TRIM24: variants seen among roughly 807,000 people sequenced by gnomAD.
TRIM24 encodes the protein transcription intermediary factor 1-alpha.
In TRIM24, 29 loss-of-function variants were observed where a neutral mutation model predicts 123.9. The observed-to-expected ratio is 0.23, with a 90% confidence interval of 0.17 to 0.32. TRIM24 has a LOEUF of 0.32. Ranked by LOEUF, TRIM24 falls within the 10% of genes least tolerant of loss-of-function variation. TRIM24 has a pLI of 1.00. For synonymous variants in TRIM24, 456 were observed against 461.1 expected (o/e 0.99, Z 0.14); for missense variants, 932 against 1,295.3 (o/e 0.72, Z 4.31).
intron 4 of TRIM24, 90 bp from the exon 5 acceptor site, chr7:138,525,151 A>C: frequency 1.7e-6 from 1 of 584,374 alleles, no homozygotes; most frequent in Non-Finnish European, 2.9e-6. Flanking sequence ...ATTCTTTATA[A>C]TCCTATTTTA....
chr7:138,560,443 A>G (rs1177553500), intron 9 of TRIM24, among the ~76,000 whole-genome samples: 1 of 152,178 alleles, frequency 6.6e-6, no homozygotes, highest in Non-Finnish European at 1.5e-5. Context: ...ACTAACATGT[A>G]CGGATAGCCT....
rs1303634635 is a variant in TRIM24, at chr7:138,570,874, C to G, written c.1749C>G (p.Ser583Arg). 2 of 1,614,002 alleles carry G rather than the reference C, an allele frequency of 1.2e-6. No homozygotes were observed. The highest frequency in any genetic ancestry group is 1.7e-6 in the Non-Finnish European group (2 of 1,180,018). ...SGQGTPSTTNSTSSTPSSPTI... is the reference protein window; with the variant it reads ...SGQGTPSTTNRTSSTPSSPTI... Reference sequence around the variant, plus strand: ...AGGGAACCCCATCAACTACCAACAGCACATCCTCTACTCCTTCCAGCCCCA... The same window carrying G: ...AGGGAACCCCATCAACTACCAACAGGACATCCTCTACTCCTTCCAGCCCCA... Residue 583 changes from serine to arginine, a missense_variant, in exon 11 of 19, where the codon AGC (serine) becomes AGG (arginine). Around this residue, in one of 7 missense-constraint regions of TRIM24, gnomAD observed 527 missense variants for 691.3 expected, o/e 0.76. Coordinates refer to ENST00000343526, the MANE Select transcript of TRIM24 (RefSeq NM_015905.3).
intron 6 of TRIM24, among the ~76,000 whole-genome samples, chr7:138,537,721 G>A (rs1252294136): frequency 3.3e-5 from 5 of 152,112 alleles, no homozygotes; most frequent in African/African-American, 1.2e-4. Context: ...GATGTTGTTA[G>A]TAGTCCATCA....
chr7:138,510,076 A>T (rs1239277235), intron 2 of TRIM24, among the ~76,000 whole-genome samples: 1 of 152,178 alleles, frequency 6.6e-6, no homozygotes, highest in Non-Finnish European at 1.5e-5. Context: ...TGTAGGAAGG[A>T]ACTGCTGCAC....
intron 1 of TRIM24, among the ~76,000 whole-genome samples, chr7:138,493,536 AGATGTCTG>A (rs1325755196): frequency 2.6e-5 from 4 of 152,114 alleles, no homozygotes; most frequent in Non-Finnish European, 5.9e-5. Flanking sequence ...TCATATTTTA[AGATGTCTG>A]GATTTTTTAA....
At chr7:138,464,819 A>T (rs1032978255) in intron 1 of TRIM24, among the ~76,000 whole-genome samples, 1 of 152,212 alleles carries the variant, frequency 6.6e-6, no homozygotes, top group Non-Finnish European at 1.5e-5. Flanking sequence ...AAAAAAATTT[A>T]GATTTTTAGG....
chr7:138,521,549 TAA>T (rs1796504222), intron 4 of TRIM24, among the ~76,000 whole-genome samples: 1 of 151,644 alleles, frequency 6.6e-6, no homozygotes, highest in Non-Finnish European at 1.5e-5. Context: ...GAAAAAGAAA[TAA>T]AGAACAGATG....
intron 7 of TRIM24, among the ~76,000 whole-genome samples, chr7:138,542,765 TGATTCTG>T (rs1002151464): frequency 1.3e-5 from 2 of 152,168 alleles, no homozygotes; most frequent in Admixed American, 1.3e-4. Flanking sequence ...TAAGGAAATG[TGATTCTG>T]GATAAACTTT....
At chr7:138,523,859 C>T (rs1457759565) in intron 4 of TRIM24, among the ~76,000 whole-genome samples, 1 of 151,592 alleles carries the variant, frequency 6.6e-6, no homozygotes, top group Non-Finnish European at 1.5e-5. Context: ...AACCTTTACA[C>T]CAAAACTGAC....
chr7:138,568,661 A>G (rs1797589786), intron 10 of TRIM24, among the ~76,000 whole-genome samples: 2 of 152,016 alleles, frequency 1.3e-5, no homozygotes, highest in South Asian at 4.1e-4. Context: ...TGCTGGGATT[A>G]CAGGTGTGGG....
chr7:138,521,099 T>G (rs113198171), intron 4 of TRIM24, among the ~76,000 whole-genome samples: 1 of 152,212 alleles, frequency 6.6e-6, no homozygotes, highest in African/African-American at 2.4e-5. Context: ...GTAAGCATAT[T>G]CTTTAAATAT....
chr7:138,497,038 CTCT>C (rs1443140671), intron 1 of TRIM24, among the ~76,000 whole-genome samples: 1 of 152,120 alleles, frequency 6.6e-6, no homozygotes, highest in Non-Finnish European at 1.5e-5. Flanking sequence ...CTGTAATTTT[CTCT>C]TCTTGTAATG....
chr7:138,476,311 C>T (rs1795398005), intron 1 of TRIM24, among the ~76,000 whole-genome samples: 1 of 152,020 alleles, frequency 6.6e-6, no homozygotes, highest in African/African-American at 2.4e-5. Context: ...AAATTTCTCC[C>T]AGGCCGGGCG....
chr7:138,533,911 C>T (rs1796806027), intron 6 of TRIM24, among the ~76,000 whole-genome samples: 1 of 152,122 alleles, frequency 6.6e-6, no homozygotes, highest in African/African-American at 2.4e-5. Context: ...TTGGTCTATT[C>T]AGGGATTCAA....
At chr7:138,478,142 GA>G (rs1724688096) in intron 1 of TRIM24, among the ~76,000 whole-genome samples, 1 of 151,994 alleles carries the variant, frequency 6.6e-6, no homozygotes, top group African/African-American at 2.4e-5. Context: ...AAATTTGTTG[GA>G]AAACTAATAG....
chr7:138,464,012 T>TTTTTTTTTTTTTTTTTTTTTATAGGG (rs1795076246), intron 1 of TRIM24, among the ~76,000 whole-genome samples: 1 of 137,162 alleles, frequency 7.3e-6, no homozygotes, highest in Non-Finnish European at 1.6e-5. Context: ...TTTTTTTTTT[T>TTTTTTTTTTTTTTTTTTTTTATAGGG]GAGACGGAGT....
chr7:138,502,100 CAGAATT>C (rs1409498233), intron 1 of TRIM24, among the ~76,000 whole-genome samples: 4 of 152,118 alleles, frequency 2.6e-5, no homozygotes, highest in African/African-American at 9.7e-5. Context: ...ATCCATGACT[CAGAATT>C]TATTTGTAGC....
intron 1 of TRIM24, among the ~76,000 whole-genome samples, chr7:138,502,829 A>G (rs1036427280): frequency 6.6e-6 from 1 of 152,188 alleles, no homozygotes; most frequent in African/African-American, 2.4e-5. Flanking sequence ...TGTTCATGGT[A>G]ATATTTTCAC....
At chr7:138,571,763 G>A (rs1554444417) in intron 11 of TRIM24, among the ~76,000 whole-genome samples, 4 of 152,084 alleles carry the variant, frequency 2.6e-5, no homozygotes, top group Non-Finnish European at 5.9e-5. Flanking sequence ...AGATGGGGGA[G>A]ACGCCCTATG....
Sources: gnomAD v4.1 joint callset for allele counts (sites outside exome capture counted in the v4.1 genomes callset) on GRCh38, gnomAD v4.1.1 for gene constraint, gnomAD v4.1.1 regional missense constraint, MANE v1.5 for transcripts, NCBI Gene and HGNC (gene_info 2026-07-23, HGNC 2026-07-21) for gene names.